The following ADGRL3 variants were observed in gnomAD, a reference collection of about 807,000 sequenced individuals.
ADGRL3 encodes calcium-independent alpha-latrotoxin receptor 3.
A neutral mutation model predicts 153.5 loss-of-function variants in ADGRL3; 62 were observed. That is an observed-to-expected ratio of 0.40 (90% CI 0.33 to 0.50). The LOEUF (loss-of-function observed/expected upper bound fraction) is 0.50, where lower values mean the gene tolerates loss of function less well. Among genes scored for constraint, ADGRL3 ranks in the 20% least tolerant of loss-of-function variants. ADGRL3 has a pLI of 0.47. For missense variants in ADGRL3, 1,641 were observed against 1,859.4 expected, an observed-to-expected ratio of 0.88 and a Z score of 2.16; for synonymous variants, 710 against 672.5, an observed-to-expected ratio of 1.06 and a Z score of -0.86.
At chr4:61,352,140 C>T (rs1319977004) in intron 1 of ADGRL3, among the ~76,000 whole-genome samples, 4 of 152,100 alleles carry the variant, frequency 2.6e-5, no homozygotes, top group Non-Finnish European at 5.9e-5. Flanking sequence ...TCATGGATGA[C>T]TTTGAGTGAC....
chr4:61,514,712 C>T (rs1579280310), intron 3 of ADGRL3, among the ~76,000 whole-genome samples: 1 of 152,072 alleles, frequency 6.6e-6, no homozygotes, highest in Non-Finnish European at 1.5e-5. Flanking sequence ...TTTCAATTTA[C>T]AGTCAAAGTC....
At chr4:61,965,752 C>T (rs1016550644) in intron 17 of ADGRL3, among the ~76,000 whole-genome samples, 1 of 148,378 alleles carries the variant, frequency 6.7e-6, no homozygotes, top group East Asian at 2.0e-4. Context: ...CTCCGACTCA[C>T]AAAAAGAAAA....
intron 2 of ADGRL3, among the ~76,000 whole-genome samples, chr4:61,434,966 T>G (rs1159891825): frequency 1.3e-5 from 2 of 152,088 alleles, no homozygotes; most frequent in African/African-American, 4.8e-5. Context: ...CACTGAGATT[T>G]AAAAATATCA....
intron 9 of ADGRL3, among the ~76,000 whole-genome samples, chr4:61,881,080 A>AT (rs1010471287): frequency 6.6e-6 from 1 of 152,140 alleles, no homozygotes; most frequent in Non-Finnish European, 1.5e-5. Flanking sequence ...CAATACTAAA[A>AT]TTTTTTTAAA....
chr4:62,049,600 A>G (rs921265246), intron 25 of ADGRL3, among the ~76,000 whole-genome samples: 6 of 152,148 alleles, frequency 3.9e-5, no homozygotes, highest in Non-Finnish European at 7.3e-5. Context: ...TCCTATGACA[A>G]TGGATTTATT....
At chr4:61,954,287 G>C (rs539688666) in intron 17 of ADGRL3, among the ~76,000 whole-genome samples, 1 of 152,030 alleles carries the variant, frequency 6.6e-6, no homozygotes, top group African/African-American at 2.4e-5. Flanking sequence ...TCTCCTGCCA[G>C]ATCCAGAATT....
At chr4:61,505,184 C>T (rs528409003) in intron 3 of ADGRL3, among the ~76,000 whole-genome samples, 14 of 152,226 alleles carry the variant, frequency 9.2e-5, no homozygotes, top group African/African-American at 3.1e-4. Context: ...TTATAATTTG[C>T]ACTTCTCTGA....
intron 8 of ADGRL3, among the ~76,000 whole-genome samples, chr4:61,751,170 A>G (rs1301494583): frequency 6.6e-6 from 1 of 152,194 alleles, no homozygotes; most frequent in African/African-American, 2.4e-5. Flanking sequence ...GTTTCATCCC[A>G]AAACCTTCCC....
chr4:61,505,632 A>G (rs1474417146), intron 3 of ADGRL3, among the ~76,000 whole-genome samples: 1 of 151,924 alleles, frequency 6.6e-6, no homozygotes, highest in Non-Finnish European at 1.5e-5. Context: ...TTATATTTTT[A>G]TATCTTTGTT....
At chr4:61,883,097 C>T (rs191815930) in intron 9 of ADGRL3, among the ~76,000 whole-genome samples, 1 of 152,304 alleles carries the variant, frequency 6.6e-6, no homozygotes, top group African/African-American at 2.4e-5. Flanking sequence ...GCCTGGGCAT[C>T]AGAATGAGAC....
intron 2 of ADGRL3, among the ~76,000 whole-genome samples, chr4:61,439,520 T>C (rs2097501775): frequency 1.3e-5 from 2 of 152,186 alleles, no homozygotes; most frequent in Non-Finnish European, 2.9e-5. Context: ...TTTTGTTACA[T>C]AGGTGTACAC....
At chr4:61,400,374 T>C (rs2152107725) in intron 2 of ADGRL3, among the ~76,000 whole-genome samples, 1 of 151,834 alleles carries the variant, frequency 6.6e-6, no homozygotes, top group East Asian at 1.9e-4. Context: ...TAGGAAAAAA[T>C]ACCCCAAAAA....
At chr4:61,722,457 A>G (rs1477936504) in intron 6 of ADGRL3, among the ~76,000 whole-genome samples, 1 of 152,174 alleles carries the variant, frequency 6.6e-6, no homozygotes, top group Non-Finnish European at 1.5e-5. Flanking sequence ...CTTAAGAACT[A>G]TGGAATACTC....
At chr4:61,401,160 G>A (rs1330056761) in intron 2 of ADGRL3, among the ~76,000 whole-genome samples, 1 of 151,328 alleles carries the variant, frequency 6.6e-6, no homozygotes, top group Non-Finnish European at 1.5e-5. Context: ...GAACAGTGAG[G>A]TTAAGAAAGT....
chr4:61,658,509 A>G (rs1016078772), intron 5 of ADGRL3, among the ~76,000 whole-genome samples: 1 of 152,164 alleles, frequency 6.6e-6, no homozygotes, highest in African/African-American at 2.4e-5. Context: ...ATTACACAAG[A>G]TAAGTTAAGG....
At chr4:61,835,389 GAA>G (rs36093030) in intron 9 of ADGRL3, among the ~76,000 whole-genome samples, 39,989 of 121,136 alleles carry the variant, frequency 0.33, 7,923 homozygotes, top group East Asian at 0.61. Context: ...TGACTGAGAA[GAA>G]AAAAAAAAAA....
At chr4:61,515,047 C>T (rs985850222) in intron 3 of ADGRL3, among the ~76,000 whole-genome samples, 4 of 152,130 alleles carry the variant, frequency 2.6e-5, no homozygotes, top group African/African-American at 9.7e-5. Flanking sequence ...CTATGCTACT[C>T]TTCCCTCCCA....
chr4:61,420,401 C>CTTTTTTTTTTTTTT (rs36093010), intron 2 of ADGRL3: 1 of 82,550 alleles, frequency 1.2e-5, no homozygotes, highest in Non-Finnish European at 2.2e-5. Flanking sequence ...CAAAGGAAAG[C>CTTTTTTTTTTTTTT]TTTTTTTTTT....
At chr4:61,861,428 T>A (rs1210978240) in intron 9 of ADGRL3, among the ~76,000 whole-genome samples, 1 of 152,056 alleles carries the variant, frequency 6.6e-6, no homozygotes, top group East Asian at 1.9e-4. Flanking sequence ...AATCAAGGAA[T>A]TAATGGGTTG....
Sources: allele counts gnomAD v4.1 joint callset (sites outside exome capture counted in the v4.1 genomes callset), GRCh38; gene constraint gnomAD v4.1.1; transcripts MANE v1.5; gene names NCBI Gene and HGNC (gene_info 2026-07-23, HGNC 2026-07-21).